Variants in NTRK3 observed in about 807,000 individuals in gnomAD.
The protein encoded by NTRK3 is NT-3 growth factor receptor.
NTRK3 carries 24 observed loss-of-function variants against 91.7 expected under a neutral mutation model. The ratio of observed to expected loss-of-function variants is 0.26; its 90% CI spans 0.19 to 0.37. The LOEUF is 0.37. Ranked by LOEUF, NTRK3 falls within the 10% of genes least tolerant of loss-of-function variation. NTRK3 has a pLI of 1.00. For missense variants in NTRK3, 880 were observed against 1,068.9 expected, an observed-to-expected ratio of 0.82 and a Z score of 2.46; for synonymous variants, 483 against 404.0, an observed-to-expected ratio of 1.20 and a Z score of -2.34.
chr15:87,863,450 C>T (rs1054590023), exon 19 of NTRK3: 3 of 223,422 alleles, frequency 1.3e-5, no homozygotes, highest in African/African-American at 4.5e-5. Context: ...GCAAGAAATC[C>T]CGCTTATCAA....
At chr15:88,162,639 C>A (rs2044569793) in intron 5 of NTRK3, among the ~76,000 whole-genome samples, 1 of 152,222 alleles carries the variant, frequency 6.6e-6, no homozygotes, top group South Asian at 2.1e-4. Flanking sequence ...CATGATAGAA[C>A]AGAAGGGGAT....
At chr15:88,056,739 C>CTG in intron 13 of NTRK3, among the ~76,000 whole-genome samples, 1 of 152,358 alleles carries the variant, frequency 6.6e-6, no homozygotes, top group Non-Finnish European at 1.5e-5. Context: ...GGCACTTTCT[C>CTG]AGTATCTCCC....
intron 17 of NTRK3, among the ~76,000 whole-genome samples, chr15:87,903,558 C>T (rs923357115): frequency 4.6e-5 from 7 of 152,194 alleles, no homozygotes; most frequent in South Asian, 2.1e-4. Flanking sequence ...AAGCAAAATG[C>T]TAAGGCAACT....
intron 14 of NTRK3, among the ~76,000 whole-genome samples, chr15:87,973,744 T>TTCC (rs2073459355): frequency 1.3e-5 from 2 of 152,110 alleles, no homozygotes; most frequent in South Asian, 4.2e-4. Context: ...GTTCTCCACC[T>TTCC]TCCTCCCGTC....
At chr15:88,215,052 A>G (rs556280025) in intron 3 of NTRK3, among the ~76,000 whole-genome samples, 4 of 152,302 alleles carry the variant, frequency 2.6e-5, no homozygotes, top group South Asian at 2.1e-4. Context: ...CAAAGCCCCT[A>G]TAGGCCCATA....
intron 13 of NTRK3, among the ~76,000 whole-genome samples, chr15:88,096,048 G>T (rs1021374766): frequency 2.0e-5 from 3 of 152,066 alleles, no homozygotes; most frequent in African/African-American, 7.2e-5. Context: ...TAGTATAAAT[G>T]GGAAAATAAT....
exon 19 of NTRK3, chr15:87,867,245 G>C (rs2064707963): frequency 4.4e-6 from 1 of 225,986 alleles, no homozygotes; most frequent in Non-Finnish European, 8.8e-6. Context: ...TGAAAACCTA[G>C]GCTAAATCCC....
Position 88,062,290 on chromosome 15 carries a change from CAAG to C in NTRK3, c.1397-29248_1397-29246del, listed in dbSNP as rs887279426. On this transcript the variant is annotated intron_variant, in intron 13 of 18. Transcript: ENST00000394480. Reference sequence around the variant, plus strand: ...GTTACAAGGATGAAAGTGTTTTGCGCAAGAAGTACTCCATAAATGATAACAGTT... The same window carrying C: ...GTTACAAGGATGAAAGTGTTTTGCGCAAGTACTCCATAAATGATAACAGTT... 3.4e-4 allele frequency among the ~76,000 whole-genome samples: 51 copies of C among 152,182 alleles called. 2 individuals are homozygous for C. The highest frequency in any genetic ancestry group is 9.7e-5 in the African/African-American group (4 of 41,438).
chr15:87,919,357 A>G lies in NTRK3; in HGVS notation c.2133+9834T>C, dbSNP rs2067685936. ...CAGGCCACTGCAGGGAGAATTCACA[A>G]AATAACTTCATCACTTCATTGTTAG... On this transcript the variant is annotated intron_variant, in intron 17 of 18. Transcript: ENST00000394480. Among the ~76,000 whole-genome samples, 3 of 152,310 alleles carry G rather than the reference A, an allele frequency of 2.0e-5. No individual in the cohort carries two copies. The South Asian group carries it at 6.2e-4, about 32-fold the overall frequency.
chr15:88,239,003 C>T (rs559407751), intron 3 of NTRK3, among the ~76,000 whole-genome samples: 7 of 152,282 alleles, frequency 4.6e-5, no homozygotes, highest in Middle Eastern at 3.4e-3. Flanking sequence ...AGTGGCTGTG[C>T]GGATTAAATG....
intron 13 of NTRK3, among the ~76,000 whole-genome samples, chr15:88,035,617 G>A (rs371369734): frequency 2.0e-5 from 3 of 152,166 alleles, no homozygotes; most frequent in East Asian, 3.9e-4. Context: ...AGGCAGAATC[G>A]CACTAGCTTT....
intron 5 of NTRK3, 57 bp from the exon 6 acceptor site, chr15:88,147,460 CT>C (rs2042987666): frequency 7.1e-7 from 1 of 1,413,106 alleles, no homozygotes; most frequent in Non-Finnish European, 1.0e-6. Context: ...AAATAATGCT[CT>C]AGGTAGTAAG....
chr15:88,119,702 A>C (rs2052493135), intron 13 of NTRK3, among the ~76,000 whole-genome samples: 2 of 152,212 alleles, frequency 1.3e-5, no homozygotes, highest in Admixed American at 1.3e-4. Flanking sequence ...AGAAGGAAGA[A>C]AACGAGGAGG....
Position 87,925,617 on chromosome 15 carries a change from G to A in NTRK3, c.2133+3574C>T, listed in dbSNP as rs140658364. The A allele has an allele frequency of 2.5e-3, 532 of 208,882 alleles. 3 individuals carry two copies. The highest frequency in any genetic ancestry group is 0.011 in the African/African-American group (468 of 44,032). 12.9% of individuals were successfully genotyped at this position (208,882 alleles called of 1,614,324 possible). A position where few individuals can be genotyped will look rare whatever the true frequency, so the allele number is the denominator to read the frequency against. ...AGAGAGAATCCTTCACAGTATTCTC[G>A]CGATCTGACAAATCAGAGCATTCCT... On this transcript the variant is annotated intron_variant, in intron 17 of 18. Coordinates refer to ENST00000394480, the Ensembl canonical transcript of NTRK3.
chr15:88,254,578 C>A (rs1162105063), intron 3 of NTRK3, among the ~76,000 whole-genome samples: 2 of 152,150 alleles, frequency 1.3e-5, no homozygotes, highest in African/African-American at 2.4e-5. Context: ...GGCTGGTGGG[C>A]TTTCCAAAGA....
intron 3 of NTRK3, among the ~76,000 whole-genome samples, chr15:88,190,201 C>T (rs983389248): frequency 6.6e-6 from 1 of 152,224 alleles, no homozygotes; most frequent in Non-Finnish European, 1.5e-5. Flanking sequence ...GTTATCTTCA[C>T]TGTGACTTCT....
At chr15:88,041,021 A>C (rs12594283) in intron 13 of NTRK3, among the ~76,000 whole-genome samples, 44,388 of 152,148 alleles carry the variant, frequency 0.29, 6,605 homozygotes, top group Middle Eastern at 0.44. Context: ...CTGCGTCTTC[A>C]CACCAAACTA....
At chr15:88,225,983 C>T (rs1025705119) in intron 3 of NTRK3, among the ~76,000 whole-genome samples, 1 of 152,140 alleles carries the variant, frequency 6.6e-6, no homozygotes, top group African/African-American at 2.4e-5. Flanking sequence ...TCTAAAGGGC[C>T]GAGGTGACAA....
intron 14 of NTRK3, among the ~76,000 whole-genome samples, chr15:87,958,690 C>A (rs2071928056): frequency 6.6e-6 from 1 of 151,988 alleles, no homozygotes; most frequent in South Asian, 2.1e-4. Flanking sequence ...CTGCAATAGA[C>A]CCTCTGCCCC....
Sources: allele counts gnomAD v4.1 joint callset (sites outside exome capture counted in the v4.1 genomes callset), GRCh38; gene constraint gnomAD v4.1.1; transcripts MANE v1.5; gene names NCBI Gene and HGNC (gene_info 2026-07-23, HGNC 2026-07-21).